The following CIP2A variants were observed in gnomAD, a reference collection of about 807,000 sequenced individuals.
CIP2A encodes protein CIP2A.
CIP2A carries 103 observed loss-of-function variants against 110.9 expected under a neutral mutation model. The observed-to-expected ratio is 0.93, with a 90% CI of 0.79 to 1.09. CIP2A has a LOEUF of 1.09. CIP2A is among the 50% of genes least tolerant of loss of function. CIP2A has a pLI of 0.00. For missense variants in CIP2A, 1,088 were observed against 1,038.4 expected (o/e 1.05, Z -0.66); for synonymous variants, 381 against 361.6 (o/e 1.05, Z -0.61).
chr3:108,569,548 C>T lies in CIP2A; in HGVS notation c.954G>A (p.Gln318=). Residue 318 remains glutamine (Q), a synonymous_variant, in exon 9 of 21, where the codon CAG becomes CAA. Coordinates refer to ENST00000295746, the MANE Select transcript of CIP2A (RefSeq NM_020890.3). ...CAGGTGGAGACTGTTCAAACATCATCTGAGTGAGCATATGGCGCAGCTGAG... is the reference window on the plus strand; with the variant it reads ...CAGGTGGAGACTGTTCAAACATCATTTGAGTGAGCATATGGCGCAGCTGAG... ...SVTQLRHMLT[Q]MMFEQSPPGS... is the part of the protein sequence containing the mutation. The T allele has an allele frequency of 6.2e-7, 1 of 1,612,728 alleles. No individual in the cohort carries two copies. Among genetic ancestry groups the T allele is most frequent in the South Asian group, 1.1e-5 (1 of 91,062 alleles).
chr3:108,579,304 A>T lies in CIP2A; in HGVS notation c.795T>A (p.Pro265=), dbSNP rs1194557205. 6.2e-7 allele frequency: 1 copy of T among 1,610,062 alleles called. No homozygotes were observed. Among genetic ancestry groups the T allele is most frequent in the Admixed American group, 1.7e-5 (1 of 59,766 alleles). Residue 265 remains proline (P), a synonymous_variant, in exon 7 of 21, where the codon CCT becomes CCA. Transcript: ENST00000295746. ...VDLLMDLLKN[P]KIADYLTRYE... is the part of the protein sequence containing the mutation. The stretch of plus-strand genomic sequence containing the variant: ...ACCTGGTGAGATAATCAGCAATTTT[A>T]GGATTCTTAAGGAGATCCATCAGTA...
Position 108,552,291 on chromosome 3 carries a change from A to G in CIP2A, c.2490T>C (p.Asp830=). ...KEREDKEETI[D]ILRKELSRTE... is the part of the protein sequence containing the mutation. ...TTCTGCTTAATTCTTTTCTAAGGAT[A>G]TCAATGGTTTCTTCCTTATCTTCCC... The change falls in exon 20 of 21, where the codon GAT becomes GAC. Residue 830 remains aspartate, a synonymous_variant. Coordinates refer to ENST00000295746, the MANE Select transcript of CIP2A (RefSeq NM_020890.3). The G allele has an allele frequency of 1.9e-6, 3 of 1,566,372 alleles. No individual in the cohort carries two copies. The highest frequency in any genetic ancestry group is 2.6e-6 in the Non-Finnish European group (3 of 1,149,942).
At chr3:108,585,671 GGGA>G in intron 1 of CIP2A, 1 of 456,016 alleles carries the variant, frequency 2.2e-6, no homozygotes, top group South Asian at 1.6e-5. Flanking sequence ...CTTACTTTGA[GGGA>G]GGAGAATGAA....
At chr3:108,575,375 T>C (rs1346313046) in intron 8 of CIP2A, among the ~76,000 whole-genome samples, 1 of 150,366 alleles carries the variant, frequency 6.7e-6, no homozygotes, top group Non-Finnish European at 1.5e-5. Flanking sequence ...CATACACATA[T>C]ACATGTATGC....
At chr3:108,560,095 G>T in intron 14 of CIP2A, 67 bp from the exon 15 acceptor site, 1 of 857,362 alleles carries the variant, frequency 1.2e-6, no homozygotes, top group African/African-American at 1.7e-5. Context: ...CAAAATAAAT[G>T]CCTACTTCAA....
intron 8 of CIP2A, among the ~76,000 whole-genome samples, chr3:108,571,644 A>G (rs1938406057): frequency 6.6e-6 from 1 of 152,200 alleles, no homozygotes; most frequent in African/African-American, 2.4e-5. Flanking sequence ...ACTAATTACT[A>G]GTGCAGAGCT....
intron 19 of CIP2A, 70 bp downstream of exon 19, chr3:108,553,574 GCAAA>G (rs1937654437): frequency 8.0e-6 from 10 of 1,253,480 alleles, no homozygotes; most frequent in African/African-American, 1.6e-5. Context: ...AAATAAAAAA[GCAAA>G]CAAAACCACT....
intron 19 of CIP2A, among the ~76,000 whole-genome samples, chr3:108,552,769 A>G (rs78077496): frequency 0.032 from 4,933 of 152,232 alleles, 250 homozygotes; most frequent in African/African-American, 0.11. Flanking sequence ...TTCCTTCAAC[A>G]TTTTTTTATT....
In CIP2A at chr3:108,569,559, T is replaced by C; in HGVS notation, c.943A>G (p.Met315Val). The C allele has an allele frequency of 6.2e-7, 1 of 1,612,688 alleles. No homozygotes were observed. The highest frequency in any genetic ancestry group is 8.5e-7 in the Non-Finnish European group (1 of 1,179,232). Residue 315 changes from methionine (M) to valine (V), a missense_variant, in exon 9 of 21, where the codon ATG becomes GTG. Met to Val is a conservative substitution (Grantham distance 21). Transcript: ENST00000295746. ...AFCSVTQLRH[M>V]LTQMMFEQSP... ...TGTTCAAACATCATCTGAGTGAGCA[T>C]ATGGCGCAGCTGAGTCACTGAACAG... is the stretch of plus-strand genomic sequence containing the variant.
intron 17 of CIP2A, 68 bp from the exon 18 acceptor site, chr3:108,554,557 C>CTATCTTTTCTATCT: frequency 1.5e-6 from 1 of 685,124 alleles, no homozygotes; most frequent in Non-Finnish European, 2.5e-6. Context: ...AAGAAGCTCA[C>CTATCTTTTCTATCT]AGTGTTTTCT....
At chr3:108,560,097 C>G (rs1463910514) in intron 14 of CIP2A, 69 bp from the exon 15 acceptor site, 3 of 844,102 alleles carry the variant, frequency 3.6e-6, no homozygotes, top group African/African-American at 3.5e-5. Flanking sequence ...AAATAAATGC[C>G]TACTTCAAAA....
intron 8 of CIP2A, among the ~76,000 whole-genome samples, chr3:108,575,363 TAC>T (rs890254474): frequency 4.0e-5 from 6 of 150,854 alleles, no homozygotes; most frequent in East Asian, 2.0e-4. Flanking sequence ...TGTGTATATA[TAC>T]ATACACATAT....
intron 8 of CIP2A, among the ~76,000 whole-genome samples, chr3:108,575,731 CGT>C (rs1444302603): frequency 5.2e-5 from 2 of 38,532 alleles, no homozygotes; most frequent in South Asian, 2.0e-3. Context: ...TGTATATATA[CGT>C]GTATATATAC....
chr3:108,577,569 A>T (rs1465175776), intron 7 of CIP2A, among the ~76,000 whole-genome samples: 2 of 152,200 alleles, frequency 1.3e-5, no homozygotes, highest in African/African-American at 4.8e-5. Flanking sequence ...AGATAAGGTC[A>T]TCTTCTGCAT....
intron 9 of CIP2A, 126 bp downstream of exon 9, chr3:108,569,263 C>T (rs1938302377): frequency 2.9e-6 from 2 of 690,854 alleles, no homozygotes; most frequent in Non-Finnish European, 4.9e-6. Context: ...TCTAGTATGA[C>T]TGTTAGTAAT....
chr3:108,570,327 A>T (rs754012037), intron 8 of CIP2A, among the ~76,000 whole-genome samples: 1 of 152,130 alleles, frequency 6.6e-6, no homozygotes, highest in Non-Finnish European at 1.5e-5. Context: ...AATCAACTTG[A>T]TAGTATCTGA....
Position 108,579,610 on chromosome 3 carries a change from A to G in CIP2A, c.628T>C (p.Ser210Pro). The G allele has an allele frequency of 1.2e-6, 2 of 1,602,258 alleles. No homozygotes were observed. Among genetic ancestry groups the G allele is most frequent in the Non-Finnish European group, 1.7e-6 (2 of 1,172,948 alleles). ...TTTAATGTCAAACTGGATAATATTGAAAGTGCAAACACAACCACAGTTAAA... is the reference window on the plus strand; with the variant it reads ...TTTAATGTCAAACTGGATAATATTGGAAGTGCAAACACAACCACAGTTAAA... The part of the protein sequence containing the change: ...SSLTVVVFAL[S>P]ILSSLTLNEE... The change falls in exon 6 of 21, where the codon TCA (serine) becomes CCA (proline). Residue 210 changes from serine (S) to proline (P), a missense_variant. Physicochemically the swap from Ser to Pro is moderately conservative, Grantham distance 74. Coordinates refer to ENST00000295746, the MANE Select transcript of CIP2A (RefSeq NM_020890.3).
At chr3:108,551,894 G>T (rs1014884573) in intron 20 of CIP2A, among the ~76,000 whole-genome samples, 1 of 152,086 alleles carries the variant, frequency 6.6e-6, no homozygotes, top group Non-Finnish European at 1.5e-5. Flanking sequence ...TTCTTCAGTT[G>T]TAAGTTGAAA....
At position 108,569,418 on chromosome 3, in the gene CIP2A, C is replaced by G; in HGVS notation, c.1084G>C (p.Ala362Pro). Residue 362 changes from alanine (A) to proline (P), a missense_variant, in exon 9 of 21, where the codon GCA becomes CCA. Coordinates refer to ENST00000295746, the MANE Select transcript of CIP2A (RefSeq NM_020890.3). ...AATATTTCCTTGAACAACTCCAATG[C>G]TAAAACAGAACAGTTTTCTGATCCG... ...LDGSENCSVL[A>P]LELFKEIFED... 13 of 1,612,376 alleles carry G rather than the reference C, an allele frequency of 8.1e-6. No individual in the cohort carries two copies. Among genetic ancestry groups the G allele is most frequent in the Non-Finnish European group, 1.1e-5 (13 of 1,179,048 alleles).
Sources: gnomAD v4.1 joint callset for allele counts (sites outside exome capture counted in the v4.1 genomes callset) on GRCh38, gnomAD v4.1.1 for gene constraint, MANE v1.5 for transcripts, NCBI Gene and HGNC (gene_info 2026-07-23, HGNC 2026-07-21) for gene names.